Variants in LRRN2 observed in about 807,000 individuals in gnomAD.
LRRN2 encodes the protein leucine rich repeat neuronal 2.
In LRRN2, 10 loss-of-function variants were observed where a neutral mutation model predicts 35.7. That is an observed-to-expected ratio of 0.28 (90% confidence interval 0.17 to 0.47). The LOEUF (loss-of-function observed/expected upper bound fraction) is 0.47, where lower values mean the gene tolerates loss of function less well. LRRN2 is among the 20% of genes least tolerant of loss of function. LRRN2 has a pLI of 0.99. For missense variants in LRRN2, 731 were observed against 940.3 expected, an observed-to-expected ratio of 0.78 and a Z score of 2.91; for synonymous variants, 391 against 409.6, an observed-to-expected ratio of 0.95 and a Z score of 0.55.
intron 1 of LRRN2, among the ~76,000 whole-genome samples, chr1:204,623,385 G>A (rs1356770066): frequency 1.3e-5 from 2 of 152,234 alleles, no homozygotes; most frequent in Non-Finnish European, 2.9e-5. Context: ...TCCCTCCCCT[G>A]GTTGGGCTGG....
chr1:204,680,422 G>A (rs904851816), intron 1 of LRRN2, among the ~76,000 whole-genome samples: 1 of 152,212 alleles, frequency 6.6e-6, no homozygotes, highest in Admixed American at 6.5e-5. Flanking sequence ...AGGTGTGGGT[G>A]CAAGAAACAC....
chr1:204,671,399 G>T (rs1032614124), intron 1 of LRRN2, among the ~76,000 whole-genome samples: 1 of 141,500 alleles, frequency 7.1e-6, no homozygotes, highest in African/African-American at 2.8e-5. Flanking sequence ...ATCTGTTTGT[G>T]TGTTTGTGTG....
intron 1 of LRRN2, among the ~76,000 whole-genome samples, chr1:204,646,216 C>T (rs1668102771): frequency 6.6e-6 from 1 of 152,120 alleles, no homozygotes; most frequent in South Asian, 2.1e-4. Flanking sequence ...GCTGCCTGGA[C>T]TGAACCAGCC....
At chr1:204,673,421 A>C (rs767723710) in intron 1 of LRRN2, among the ~76,000 whole-genome samples, 2 of 152,176 alleles carry the variant, frequency 1.3e-5, no homozygotes, top group Non-Finnish European at 2.9e-5. Context: ...TGGGTGTGTT[A>C]AACCCATTTT....
intron 1 of LRRN2, among the ~76,000 whole-genome samples, chr1:204,669,282 C>T (rs1336851410): frequency 6.6e-6 from 1 of 152,204 alleles, no homozygotes; most frequent in Non-Finnish European, 1.5e-5. Context: ...GTCTTCTGGT[C>T]TACCAATGCC....
intron 1 of LRRN2, among the ~76,000 whole-genome samples, chr1:204,681,768 A>G (rs1025936100): frequency 1.3e-5 from 2 of 152,242 alleles, no homozygotes; most frequent in African/African-American, 4.8e-5. Context: ...CAGGCCCCGC[A>G]CTGGAAAGTA....
chr1:204,666,925 G>A (rs912608961), intron 1 of LRRN2, among the ~76,000 whole-genome samples: 1 of 122,152 alleles, frequency 8.2e-6, no homozygotes, highest in Non-Finnish European at 1.6e-5. Flanking sequence ...TCATGCCACT[G>A]CACTCCAGCC....
At position 204,619,788 on chromosome 1, in the gene LRRN2, C is replaced by T. The variant is rs771887197; in HGVS notation, c.205G>A (p.Ala69Thr). Residue 69 changes from alanine to threonine, a missense_variant, in exon 2 of 2, where the codon GCA becomes ACA. By Grantham distance (58) the Ala-to-Thr change is moderately conservative (BLOSUM62 0). This residue lies in a region of LRRN2 where 246 missense variants were observed against 289.5 expected (regional missense o/e 0.85). Coordinates refer to ENST00000367177, the MANE Select transcript of LRRN2 (RefSeq NM_201630.2). The part of the protein sequence containing the change: ...FLTAVPPALP[A>T]GTQTLLLQSN... ...TGCAGGAGCAGGGTCTGTGTGCCTG[C>T]GGGGAGTGCCGGGGGGACTGCCGTC... is the stretch of plus-strand genomic sequence containing the variant. 1.7e-5 allele frequency: 27 copies of T among 1,614,000 alleles called. No individual in the cohort carries two copies. Among genetic ancestry groups the T allele is most frequent in the Admixed American group, 1.7e-4 (10 of 59,998 alleles).
At position 204,617,623 on chromosome 1, in the gene LRRN2, A is replaced by T. The variant is rs1666434483; in HGVS notation, c.*228T>A. ...CCAAAGTCCCTCCTGTTCCTTGGAG[A>T]TGTTCCTCAGAATGGCAGCAGAGGT... On this transcript the variant is annotated 3_prime_UTR_variant, in exon 2 of 2. Transcript: ENST00000367177. The T allele has an allele frequency of 6.6e-5, 37 of 561,456 alleles. 1 individual carries two copies. The South Asian group carries it at 7.6e-4, about 11-fold the overall frequency. The allele number at this position is 561,456 out of a possible 1,614,324, so 34.8% of individuals were successfully genotyped here. A position where few individuals can be genotyped will look rare whatever the true frequency, so the allele number is the denominator to read the frequency against.
chr1:204,657,379 G>T (rs993198688), intron 1 of LRRN2, among the ~76,000 whole-genome samples: 8 of 112,874 alleles, frequency 7.1e-5, no homozygotes, highest in Middle Eastern at 4.9e-3. Context: ...CATATATATG[G>T]TATATCCATA....
At chr1:204,642,465 C>G (rs551210178) in intron 1 of LRRN2, among the ~76,000 whole-genome samples, 2 of 152,190 alleles carry the variant, frequency 1.3e-5, no homozygotes, top group Non-Finnish European at 2.9e-5. Context: ...GCCTGCCTCC[C>G]GGCTCTGCGC....
chr1:204,671,530 A>G (rs1006519327), intron 1 of LRRN2, among the ~76,000 whole-genome samples: 3 of 151,334 alleles, frequency 2.0e-5, no homozygotes, highest in Non-Finnish European at 4.4e-5. Flanking sequence ...GGACAATAAA[A>G]AGACAGAGGC....
At chr1:204,622,837 CCCAAGTA>C (rs888965304) in intron 1 of LRRN2, among the ~76,000 whole-genome samples, 1 of 152,148 alleles carries the variant, frequency 6.6e-6, no homozygotes, top group African/African-American at 2.4e-5. Context: ...CCACTCACTA[CCCAAGTA>C]CCTGAGGCAA....
intron 1 of LRRN2, among the ~76,000 whole-genome samples, chr1:204,668,546 G>A (rs1298034232): frequency 1.3e-5 from 2 of 152,186 alleles, no homozygotes; most frequent in Non-Finnish European, 2.9e-5. Context: ...AGTGAGCCAA[G>A]ATCACGCCAT....
chr1:204,638,856 A>G (rs1165358229), intron 1 of LRRN2, among the ~76,000 whole-genome samples: 1 of 152,204 alleles, frequency 6.6e-6, no homozygotes, highest in Non-Finnish European at 1.5e-5. Context: ...CCCAGACCAA[A>G]GAAGCTGTTC....
Position 204,620,016 on chromosome 1 carries a change from C to T in LRRN2, c.-24G>A. On this transcript the variant is annotated 5_prime_UTR_variant, in exon 2 of 2. It removes an upstream start codon present in the reference 5' UTR. Coordinates refer to ENST00000367177, the MANE Select transcript of LRRN2 (RefSeq NM_201630.2). The stretch of plus-strand genomic sequence containing the variant: ...ATGGTGGAGCTGCAGGGCAGGGGAC[C>T]ATTCACAAGAAGAGTCTGGAGTCCT... 1 of 1,590,312 alleles carries T rather than the reference C, an allele frequency of 6.3e-7. No homozygotes were observed. The highest frequency in any genetic ancestry group is 8.6e-7 in the Non-Finnish European group (1 of 1,169,548).
intron 1 of LRRN2, among the ~76,000 whole-genome samples, chr1:204,640,230 C>T (rs2102600891): frequency 6.6e-6 from 1 of 152,262 alleles, no homozygotes; most frequent in Admixed American, 6.5e-5. Flanking sequence ...TCACTGTGTC[C>T]TCACATGGCA....
intron 1 of LRRN2, among the ~76,000 whole-genome samples, chr1:204,634,577 A>G (rs1472766162): frequency 6.6e-6 from 1 of 152,224 alleles, no homozygotes; most frequent in Non-Finnish European, 1.5e-5. Context: ...AGAGGCACAC[A>G]GGAAGGTGCC....
intron 1 of LRRN2, among the ~76,000 whole-genome samples, chr1:204,665,056 G>A (rs192522673): frequency 2.6e-4 from 39 of 152,064 alleles, no homozygotes; most frequent in African/African-American, 7.0e-4. Context: ...CTTCCTCACC[G>A]GTCTATCCTC....
Sources: allele counts gnomAD v4.1 joint callset (sites outside exome capture counted in the v4.1 genomes callset), GRCh38; gene constraint gnomAD v4.1.1; regional missense constraint gnomAD v4.1.1; transcripts MANE v1.5; gene names NCBI Gene and HGNC (gene_info 2026-07-23, HGNC 2026-07-21).